The following GBF1 variants were observed in gnomAD, a reference collection of about 807,000 sequenced individuals.
The protein encoded by GBF1 is Golgi-specific brefeldin A-resistance guanine nucleotide exchange factor 1.
In GBF1, 114 loss-of-function variants were observed where a neutral mutation model predicts 210.5. That is an observed-to-expected ratio of 0.54 (90% CI 0.47 to 0.63). The LOEUF (loss-of-function observed/expected upper bound fraction) is 0.63, where lower values mean the gene tolerates loss of function less well. GBF1 is among the 30% of genes least tolerant of loss of function. GBF1 has a pLI of 0.00. For synonymous variants in GBF1, 850 were observed against 889.2 expected, an observed-to-expected ratio of 0.96 and a Z score of 0.78; for missense variants, 1,851 against 2,357.7, an observed-to-expected ratio of 0.79 and a Z score of 4.45.
intron 3 of GBF1, among the ~76,000 whole-genome samples, chr10:102,281,581 G>A (rs772020): frequency 0.99 from 147,386 of 148,872 alleles, 72,975 homozygotes; most frequent in South Asian, 1. Flanking sequence ...TATATAAATT[G>A]TTATATTATA....
intron 3 of GBF1, among the ~76,000 whole-genome samples, chr10:102,278,408 G>A (rs2075189864): frequency 6.6e-6 from 1 of 152,066 alleles, no homozygotes; most frequent in Non-Finnish European, 1.5e-5. Flanking sequence ...GTCTTCCAAA[G>A]TGATGGAATT....
At chr10:102,242,594 C>T (rs2070565368), upstream of GBF1, among the ~76,000 whole-genome samples, 1 of 152,214 alleles carries the variant, frequency 6.6e-6, no homozygotes, top group African/African-American at 2.4e-5. Context: ...CAGGCTCCTT[C>T]TCTTCTCCCA....
At chr10:102,322,060 A>G (rs1044552662) in intron 3 of GBF1, among the ~76,000 whole-genome samples, 2 of 152,148 alleles carry the variant, frequency 1.3e-5, no homozygotes, top group African/African-American at 2.4e-5. Flanking sequence ...GGGTTTCACC[A>G]TGTTGGCCAA....
In GBF1 at chr10:102,379,374, C is replaced by T; in HGVS notation, c.4585C>T (p.Gln1529Ter). 6.2e-7 allele frequency: 1 copy of T among 1,614,066 alleles called. No individual in the cohort carries two copies. The highest frequency in any genetic ancestry group is 2.2e-5 in the East Asian group (1 of 44,874). ...GCAACGCCACCTGGAGACAGGTGGC[C>T]AGAAGATTGAAGCTGATTCTCGCAC... ...EEQRHLETGG[Q>*]KIEADSRTLW... is the part of the protein sequence containing the mutation. The change falls in exon 34 of 40, where the codon CAG (glutamine) becomes TAG (stop). Residue 1529 changes from glutamine to a stop codon, truncating the protein, a stop_gained. Coordinates refer to ENST00000369983, the MANE Select transcript of GBF1 (RefSeq NM_001377137.1). LOFTEE classifies it high-confidence loss of function.
chr10:102,352,435 G>T (rs1427993201), intron 6 of GBF1, 23 bp from the exon 7 acceptor site: 37 of 1,545,462 alleles, frequency 2.4e-5, no homozygotes, highest in Non-Finnish European at 3.0e-5. Context: ...TGACACCTGT[G>T]TTATTTGTTT....
intron 29 of GBF1, among the ~76,000 whole-genome samples, chr10:102,372,863 T>G (rs564617866): frequency 1.5e-4 from 23 of 152,350 alleles, no homozygotes; most frequent in African/African-American, 5.5e-4. Context: ...AAAGAATTTT[T>G]AGCATGTTTG....
At chr10:102,350,139 C>T (rs1018313766) in intron 4 of GBF1, among the ~76,000 whole-genome samples, 4 of 152,020 alleles carry the variant, frequency 2.6e-5, no homozygotes, top group African/African-American at 7.3e-5. Flanking sequence ...TACCTGAGGT[C>T]GGGAGTTCGA....
chr10:102,309,164 C>T lies in GBF1; in HGVS notation c.164-34887C>T, dbSNP rs193040529. On this transcript the variant is annotated intron_variant, in intron 3 of 39. Coordinates refer to ENST00000369983, the MANE Select transcript of GBF1 (RefSeq NM_001377137.1). ...AGAGCTGATGGAGGAGAGAGGGCTT[C>T]AATTTGCACAACTGAGTAATCAGCT... 1.6e-3 allele frequency among the ~76,000 whole-genome samples: 246 copies of T among 152,296 alleles called. 5 individuals are homozygous for T. The highest frequency in any genetic ancestry group is 0.015 in the Admixed American group (227 of 15,292).
intron 3 of GBF1, among the ~76,000 whole-genome samples, chr10:102,289,375 T>G (rs1446484270): frequency 1.3e-5 from 2 of 152,136 alleles, no homozygotes; most frequent in Admixed American, 1.3e-4. Flanking sequence ...TGGGTGGAAG[T>G]GTGGGGCAGA....
intron 4 of GBF1, among the ~76,000 whole-genome samples, 174 bp downstream of exon 4, chr10:102,344,356 G>A (rs775427875): frequency 5.3e-5 from 8 of 152,198 alleles, no homozygotes; most frequent in Admixed American, 1.3e-4. Context: ...GCTGACTCAC[G>A]TTGTACAGGG....
At chr10:102,336,422 C>T (rs1251728778) in intron 3 of GBF1, among the ~76,000 whole-genome samples, 1 of 151,652 alleles carries the variant, frequency 6.6e-6, no homozygotes, top group Non-Finnish European at 1.5e-5. Context: ...CTTTATTATA[C>T]ACTTTATTCC....
chr10:102,360,336 G>T lies in GBF1; in HGVS notation c.1333G>T (p.Ala445Ser). Residue 445 changes from alanine (A) to serine (S), a missense_variant, in exon 12 of 40, where the codon GCC becomes TCC. Physicochemically the swap from Ala to Ser is moderately conservative, Grantham distance 99 (BLOSUM62 1). Transcript: ENST00000369983. The stretch of plus-strand genomic sequence containing the variant: ...AGTGGCCCTTGAGTCAGCCCCTGTA[G>T]CCCAGTGCCAGACCCTCTTGGGCCT... ...LTVALESAPV[A>S]QCQTLLGLIK... 1 of 1,613,864 alleles carries T rather than the reference G, an allele frequency of 6.2e-7. No individual in the cohort carries two copies. Among genetic ancestry groups the T allele is most frequent in the Non-Finnish European group, 8.5e-7 (1 of 1,179,764 alleles).
In GBF1 at chr10:102,344,048, C is replaced by G; in HGVS notation, c.164-3C>G. On this transcript the variant is annotated splice_region_variant and splice_polypyrimidine_tract_variant and intron_variant, in intron 3 of 39. Transcript: ENST00000369983. ...CTCTTCATTTCTGTGTATTTTCTTG[C>G]AGAACTCTCAGAAATTGAGCCCAAT... The G allele has an allele frequency of 2.5e-6, 4 of 1,611,050 alleles. No individual in the cohort carries two copies. The highest frequency in any genetic ancestry group is 3.4e-6 in the Non-Finnish European group (4 of 1,177,308).
chr10:102,372,914 A>T (rs2060288687), intron 29 of GBF1, among the ~76,000 whole-genome samples: 2 of 152,336 alleles, frequency 1.3e-5, no homozygotes, highest in South Asian at 4.1e-4. Flanking sequence ...CACTGTCTGG[A>T]TGGAACAGAT....
chr10:102,264,611 G>A (rs994586285), intron 3 of GBF1, among the ~76,000 whole-genome samples: 3 of 151,942 alleles, frequency 2.0e-5, no homozygotes, highest in Non-Finnish European at 4.4e-5. Context: ...GTCAAGCTGC[G>A]CCCTTTATAT....
At chr10:102,270,331 A>G (rs568956550) in intron 3 of GBF1, among the ~76,000 whole-genome samples, 5 of 151,874 alleles carry the variant, frequency 3.3e-5, no homozygotes, top group African/African-American at 1.2e-4. Flanking sequence ...CACCACGCCC[A>G]GCTAATTTTT....
At chr10:102,335,751 A>G (rs2057684232) in intron 3 of GBF1, among the ~76,000 whole-genome samples, 1 of 152,174 alleles carries the variant, frequency 6.6e-6, no homozygotes, top group South Asian at 2.1e-4. Context: ...AAGGTATGTA[A>G]AGTGCATAGC....
At chr10:102,230,706 A>G in the GBF1 span, 6 of 1,557,090 alleles carry the variant, frequency 3.9e-6, no homozygotes, top group South Asian at 1.2e-5. Flanking sequence ...CGGCCGAGGC[A>G]TAAGGGCAGG....
chr10:102,299,244 C>T (rs1259277105), intron 3 of GBF1, among the ~76,000 whole-genome samples: 1 of 152,122 alleles, frequency 6.6e-6, no homozygotes, highest in Admixed American at 6.6e-5. Flanking sequence ...TGAATGATTC[C>T]AGTTACATAG....
Sources: gnomAD v4.1 joint callset for allele counts (sites outside exome capture counted in the v4.1 genomes callset) on GRCh38, gnomAD v4.1.1 for gene constraint, MANE v1.5 for transcripts, NCBI Gene and HGNC (gene_info 2026-07-23, HGNC 2026-07-21) for gene names.